Variants in EML5 observed in about 807,000 individuals in gnomAD.
The protein encoded by EML5 is echinoderm microtubule-associated protein-like 5.
Under a neutral mutation model 250.0 loss-of-function variants are expected in EML5, and 120 were observed. The observed-to-expected ratio is 0.48, with a 90% CI of 0.41 to 0.56. The LOEUF is 0.56. EML5 is among the 20% of genes least tolerant of loss of function. The pLI, the probability that EML5 is intolerant of heterozygous loss-of-function variation, is 0.00. For missense variants in EML5, 2,006 were observed against 2,437.6 expected (o/e 0.82, Z 3.73); for synonymous variants, 771 against 806.5 (o/e 0.96, Z 0.75).
intron 19 of EML5, among the ~76,000 whole-genome samples, chr14:88,686,203 G>A (rs903036829): frequency 1.3e-5 from 2 of 152,090 alleles, no homozygotes; most frequent in Non-Finnish European, 2.9e-5. Context: ...GGGGCAGGAA[G>A]GAAGAGGAAG....
At chr14:88,621,527 T>C (rs897481740) in intron 37 of EML5, 10 of 562,106 alleles carry the variant, frequency 1.8e-5, no homozygotes, top group East Asian at 5.9e-5. Context: ...TGCTACAGAA[T>C]AGAACTTTTC....
At chr14:88,736,284 C>T (rs2093840179) in intron 7 of EML5, 80 bp downstream of exon 7, 2 of 1,510,164 alleles carry the variant, frequency 1.3e-6, no homozygotes, top group African/African-American at 1.4e-5. Context: ...CGGGCGTGAG[C>T]CACAGTGCCT....
chr14:88,757,027 A>G (rs2094170026), intron 1 of EML5, among the ~76,000 whole-genome samples: 1 of 152,234 alleles, frequency 6.6e-6, no homozygotes, highest in African/African-American at 2.4e-5. Flanking sequence ...CTGAAAAACA[A>G]GAACAAAGTT....
chr14:88,782,946 G>C (rs1225898021), intron 1 of EML5, among the ~76,000 whole-genome samples: 8 of 152,118 alleles, frequency 5.3e-5, no homozygotes, highest in Admixed American at 2.6e-4. Flanking sequence ...AGGTGTGGTG[G>C]CACACACCTG....
chr14:88,661,737 C>T lies in EML5; in HGVS notation c.3592G>A (p.Ala1198Thr). 6.2e-7 allele frequency: 1 copy of T among 1,613,714 alleles called. No homozygotes were observed. The highest frequency in any genetic ancestry group is 1.3e-5 in the African/African-American group (1 of 75,036). Reference sequence around the variant, plus strand: ...ATTTTGTCACTGGTGAGGCAAGAAGCAGTTACATCTGTAACTTCTCCAATT... The same window carrying T: ...ATTTTGTCACTGGTGAGGCAAGAAGTAGTTACATCTGTAACTTCTCCAATT... Reference protein sequence around the residue: ...PVIGEVTDVTASCLTSDKMVL... With the variant: ...PVIGEVTDVTTSCLTSDKMVL... The change falls in exon 25 of 44, where the codon GCT becomes ACT. Residue 1198 changes from alanine (A) to threonine (T), a missense_variant. Transcript: ENST00000554922.
intron 1 of EML5, among the ~76,000 whole-genome samples, chr14:88,780,721 G>T (rs560474579): frequency 1.9e-4 from 29 of 152,180 alleles, no homozygotes; most frequent in Admixed American, 5.2e-4. Context: ...GATTACAGGC[G>T]CGCGCCATCA....
At chr14:88,695,263 C>A (rs1057307177) in intron 16 of EML5, 98 bp downstream of exon 16, 1 of 832,198 alleles carries the variant, frequency 1.2e-6, no homozygotes, top group South Asian at 1.8e-5. Context: ...TAAAAAGTTA[C>A]ATATTTGCTT....
intron 25 of EML5, among the ~76,000 whole-genome samples, chr14:88,660,280 C>CT (rs199561846): frequency 0.016 from 1,966 of 125,828 alleles, 20 homozygotes; most frequent in Non-Finnish European, 0.02. Context: ...GAGACGCTGT[C>CT]TTAAAAAAAA....
chr14:88,738,850 T>C (rs2093884390), intron 6 of EML5, 29 bp downstream of exon 6: 2 of 1,542,968 alleles, frequency 1.3e-6, no homozygotes, highest in South Asian at 1.2e-5. Flanking sequence ...AGAGTTTGCC[T>C]AGTAATAAGA....
At position 88,730,820 on chromosome 14, in the gene EML5, A is replaced by G. The variant is rs571390003; in HGVS notation, c.1050-4142T>C. On this transcript the variant is annotated intron_variant, in intron 7 of 43. Transcript: ENST00000554922. ...TGAATTATAACTAACTGATGGTGGG[A>G]AAAAAGTATGTATAGAAAAAATGGC... 5.3e-5 allele frequency among the ~76,000 whole-genome samples: 8 copies of G among 152,340 alleles called. No individual in the cohort carries two copies. The South Asian group carries it at 1.7e-3, about 32-fold the overall frequency.
chr14:88,701,232 G>A (rs560571899), intron 14 of EML5, among the ~76,000 whole-genome samples: 1 of 152,264 alleles, frequency 6.6e-6, no homozygotes, highest in South Asian at 2.1e-4. Context: ...GGAAGTGGGT[G>A]TTCCTGGCTT....
At chr14:88,736,976 G>C (rs115964064) in intron 6 of EML5, among the ~76,000 whole-genome samples, 2 of 152,062 alleles carry the variant, frequency 1.3e-5, no homozygotes, top group Non-Finnish European at 2.9e-5. Flanking sequence ...TGGGTGGGGG[G>C]TTGGGGGCAG....
intron 1 of EML5, among the ~76,000 whole-genome samples, chr14:88,755,939 C>T (rs1204422853): frequency 1.3e-5 from 2 of 152,082 alleles, no homozygotes; most frequent in Non-Finnish European, 2.9e-5. Context: ...TTCAAGGAAC[C>T]CAGGAGTTCA....
At chr14:88,758,515 C>T (rs552192870) in intron 1 of EML5, among the ~76,000 whole-genome samples, 1 of 152,062 alleles carries the variant, frequency 6.6e-6, no homozygotes, top group Non-Finnish European at 1.5e-5. Flanking sequence ...TTTTAAAAGA[C>T]AGAAAATATG....
intron 1 of EML5, among the ~76,000 whole-genome samples, chr14:88,769,663 T>G (rs1485294637): frequency 6.6e-6 from 1 of 152,178 alleles, no homozygotes; most frequent in Non-Finnish European, 1.5e-5. Flanking sequence ...CGCCAGATTG[T>G]CTCAACTAGG....
In EML5 at chr14:88,702,596, A is replaced by G. The variant is rs371888369; in HGVS notation, c.2088T>C (p.Tyr696=). ...RGYDCRSNLF[Y]TQIGEIVYHV... ...GGTACACAATTTCACCAATTTGAGTATAAAACAGATTACTTCGACAGTCAT... is the reference window on the plus strand; with the variant it reads ...GGTACACAATTTCACCAATTTGAGTGTAAAACAGATTACTTCGACAGTCAT... The change falls in exon 14 of 44, where the codon TAT becomes TAC. Residue 696 remains tyrosine, a synonymous_variant. Coordinates refer to ENST00000554922, the MANE Select transcript of EML5 (RefSeq NM_183387.3). The G allele has an allele frequency of 2.7e-5, 44 of 1,607,254 alleles. No homozygotes were observed. The highest frequency in any genetic ancestry group is 3.3e-4 in the Middle Eastern group (2 of 6,072).
At chr14:88,766,657 A>T (rs1328766600) in intron 1 of EML5, among the ~76,000 whole-genome samples, 3 of 152,012 alleles carry the variant, frequency 2.0e-5, no homozygotes, top group Admixed American at 2.0e-4. Flanking sequence ...GCCTTCTGAT[A>T]TTTTATTACC....
rs147542400 is a variant in EML5 at position 88,689,237 on chromosome 14, T to A, written c.2540-764A>T. Among the ~76,000 whole-genome samples, 1,018 of 152,296 alleles carry A rather than the reference T, an allele frequency of 6.7e-3. 15 individuals are homozygous for A. The highest frequency in any genetic ancestry group is 0.023 in the African/African-American group (975 of 41,566). Reference sequence around the variant, plus strand: ...GTGCAAGAGTTTCTCTAGGAATGCCTGGGAGTAGTAATAGGGTAATGTGCA... The same window carrying A: ...GTGCAAGAGTTTCTCTAGGAATGCCAGGGAGTAGTAATAGGGTAATGTGCA... On this transcript the variant is annotated intron_variant, in intron 17 of 43. Coordinates refer to ENST00000554922, the MANE Select transcript of EML5 (RefSeq NM_183387.3).
chr14:88,745,167 T>TTGTTTGTTTGTG (rs148282706), intron 3 of EML5, among the ~76,000 whole-genome samples: 9,427 of 145,216 alleles, frequency 0.065, 831 homozygotes, highest in African/African-American at 0.2. Flanking sequence ...AATTGTGTGT[T>TTGTTTGTTTGTG]TGTGTGTGTG....
Sources: allele counts gnomAD v4.1 joint callset (sites outside exome capture counted in the v4.1 genomes callset), GRCh38; gene constraint gnomAD v4.1.1; transcripts MANE v1.5; gene names NCBI Gene and HGNC (gene_info 2026-07-23, HGNC 2026-07-21).